The following ZBTB41 variants were observed in gnomAD, a reference collection of about 807,000 sequenced individuals.
ZBTB41 encodes zinc finger and BTB domain containing 41.
ZBTB41 carries 42 observed loss-of-function variants against 87.6 expected under a neutral mutation model. The observed-to-expected ratio is 0.48, with a 90% CI of 0.37 to 0.62. The LOEUF (loss-of-function observed/expected upper bound fraction) is 0.62. Among genes scored for constraint, ZBTB41 ranks in the 20% least tolerant of loss-of-function variants. ZBTB41 has a pLI of 0.00. For synonymous variants in ZBTB41, 364 were observed against 364.0 expected, an observed-to-expected ratio of 1.00 and a Z score of 0.00; for missense variants, 799 against 1,078.9, an observed-to-expected ratio of 0.74 and a Z score of 3.63.
At chr1:197,197,754 T>C (rs1035572136) in intron 2 of ZBTB41, among the ~76,000 whole-genome samples, 5 of 152,298 alleles carry the variant, frequency 3.3e-5, no homozygotes, top group African/African-American at 9.6e-5. Context: ...AAGGAAATAC[T>C]GGGTTAAGCA....
chr1:197,176,638 CTTT>C lies in ZBTB41; in HGVS notation c.1802_1804del (p.Lys601del). On this transcript the variant is annotated inframe_deletion, in exon 8 of 11. Coordinates refer to ENST00000367405, the MANE Select transcript of ZBTB41 (RefSeq NM_194314.3). Reference sequence around the variant, plus strand: ...TTTTCCACATTCATCGCACTCATATCTTTTATCATCATGATGTACTCGTAAGTG... The same window carrying C: ...TTTTCCACATTCATCGCACTCATATCTATCATCATGATGTACTCGTAAGTG... The C allele has an allele frequency of 6.2e-7, 1 of 1,611,730 alleles. No individual in the cohort carries two copies. Among genetic ancestry groups the C allele is most frequent in the Non-Finnish European group, 8.5e-7 (1 of 1,178,874 alleles).
rs1242290363 is a variant in ZBTB41, at chr1:197,200,015, A to G, written c.459T>C (p.Tyr153=). 1.9e-6 allele frequency: 3 copies of G among 1,613,044 alleles called. No homozygotes were observed. The highest frequency in any genetic ancestry group is 2.5e-6 in the Non-Finnish European group (3 of 1,179,844). ...CAGCCTCTAAAACAAGAGGTATTTC[A>G]TATTTGTACACAAAAAATTCTGATG... ...LYTSEFFVYK[Y]EIPLVLEAAK... The change falls in exon 2 of 11, where the codon TAT becomes TAC. Residue 153 remains tyrosine (Y), a synonymous_variant. Coordinates refer to ENST00000367405, the MANE Select transcript of ZBTB41 (RefSeq NM_194314.3).
intron 9 of ZBTB41, among the ~76,000 whole-genome samples, chr1:197,174,129 C>A (rs1659542324): frequency 6.6e-6 from 1 of 152,038 alleles, no homozygotes; most frequent in Admixed American, 6.6e-5. Flanking sequence ...TGGCTAAGAC[C>A]CTATGAAAAT....
intron 5 of ZBTB41, among the ~76,000 whole-genome samples, chr1:197,186,821 G>T (rs150519105): frequency 0.12 from 17,953 of 151,900 alleles, 1,365 homozygotes; most frequent in Middle Eastern, 0.19. Context: ...CCAAGATTGC[G>T]CCATTACACT....
intron 10 of ZBTB41, among the ~76,000 whole-genome samples, chr1:197,171,346 T>G (rs1659473941): frequency 6.6e-6 from 1 of 152,068 alleles, no homozygotes. Flanking sequence ...ACTGCAACTA[T>G]TTGCTAATAA....
Position 197,159,946 on chromosome 1 carries a change from G to T in ZBTB41, c.2143C>A (p.Leu715Met). ...GGTCGGGCATCAGAATGAATAACCA[G>T]GTGTTTTGTTAATGTTTTCTTAATT... Reference protein sequence around the residue: ...FRIKKTLTKHLVIHSDARPFN... With the variant: ...FRIKKTLTKHMVIHSDARPFN... The change falls in exon 11 of 11, where the codon CTG (leucine) becomes ATG (methionine). Residue 715 changes from leucine (L) to methionine (M), a missense_variant. Leu to Met is a conservative substitution (Grantham distance 15). This residue lies in a region of ZBTB41 where 198 missense variants were observed against 358.4 expected (regional missense o/e 0.55). Transcript: ENST00000367405. 6.2e-7 allele frequency: 1 copy of T among 1,613,658 alleles called. No homozygotes were observed. The highest frequency in any genetic ancestry group is 8.5e-7 in the Non-Finnish European group (1 of 1,179,752).
chr1:197,177,019 G>T (rs1659625228), intron 7 of ZBTB41, among the ~76,000 whole-genome samples: 1 of 152,068 alleles, frequency 6.6e-6, no homozygotes, highest in South Asian at 2.1e-4. Context: ...AATATAAAAA[G>T]TAGGAGTAAT....
intron 6 of ZBTB41, among the ~76,000 whole-genome samples, chr1:197,178,725 C>T (rs1475685822): frequency 6.6e-6 from 1 of 152,066 alleles, no homozygotes; most frequent in Non-Finnish European, 1.5e-5. Flanking sequence ...ACTTCGGCCT[C>T]ATTTGCCATT....
intron 4 of ZBTB41, among the ~76,000 whole-genome samples, chr1:197,188,929 T>A (rs926476226): frequency 1.1e-4 from 17 of 152,170 alleles, no homozygotes; most frequent in Non-Finnish European, 2.2e-4. Context: ...CCAACAATAA[T>A]GACATAGCAC....
At chr1:197,170,705 A>C (rs1659458682) in intron 10 of ZBTB41, among the ~76,000 whole-genome samples, 1 of 152,140 alleles carries the variant, frequency 6.6e-6, no homozygotes, top group Non-Finnish European at 1.5e-5. Flanking sequence ...AGAGTTGGTA[A>C]ATAGAGTTTT....
At position 197,156,739 on chromosome 1, in the gene ZBTB41, T is replaced by C. The variant is rs1659076782; in HGVS notation, c.*2620A>G. The C allele has an allele frequency of 6.6e-6, 1 of 152,242 alleles. No individual in the cohort carries two copies. Among genetic ancestry groups the C allele is most frequent in the Non-Finnish European group, 1.5e-5 (1 of 67,786 alleles). The allele number at this position is 152,242 out of a possible 1,614,324, so 9.4% of individuals were successfully genotyped here. A position where few individuals can be genotyped will look rare whatever the true frequency, so the allele number is the denominator to read the frequency against. Reference sequence around the variant, plus strand: ...GCAGCAGATTAGTTTCATTTTGTTTTTGTTGTTGTTGTTTTCAATCATCCA... The same window carrying C: ...GCAGCAGATTAGTTTCATTTTGTTTCTGTTGTTGTTGTTTTCAATCATCCA... On this transcript the variant is annotated 3_prime_UTR_variant, in exon 11 of 11. Coordinates refer to ENST00000367405, the MANE Select transcript of ZBTB41 (RefSeq NM_194314.3).
chr1:197,197,791 A>C (rs1211090869), intron 2 of ZBTB41, among the ~76,000 whole-genome samples: 1 of 152,202 alleles, frequency 6.6e-6, no homozygotes, highest in Non-Finnish European at 1.5e-5. Flanking sequence ...TTACTAAAGA[A>C]TTGGGCAGTT....
intron 10 of ZBTB41, among the ~76,000 whole-genome samples, chr1:197,163,494 T>C (rs905874352): frequency 6.6e-6 from 1 of 152,018 alleles, no homozygotes; most frequent in African/African-American, 2.4e-5. Flanking sequence ...ATGCCTAATG[T>C]ACATGTAATC....
At chr1:197,163,204 G>C (rs1001635488) in intron 10 of ZBTB41, among the ~76,000 whole-genome samples, 2 of 152,118 alleles carry the variant, frequency 1.3e-5, no homozygotes, top group Admixed American at 1.3e-4. Context: ...CTATTTGCTT[G>C]TGAGAAAAAA....
chr1:197,174,093 T>G (rs1659541360), intron 9 of ZBTB41, among the ~76,000 whole-genome samples: 1 of 152,142 alleles, frequency 6.6e-6, no homozygotes, highest in Non-Finnish European at 1.5e-5. Context: ...ACAGTGGACT[T>G]AAGATAAATT....
At chr1:197,177,571 T>A (rs898360057) in intron 7 of ZBTB41, among the ~76,000 whole-genome samples, 11 of 152,104 alleles carry the variant, frequency 7.2e-5, no homozygotes, top group African/African-American at 2.7e-4. Flanking sequence ...AACTCAACTT[T>A]ATGAAAATTA....
intron 5 of ZBTB41, among the ~76,000 whole-genome samples, chr1:197,185,592 CAA>C (rs796880990): frequency 1.4e-5 from 2 of 138,560 alleles, no homozygotes; most frequent in Admixed American, 7.2e-5. Context: ...CATTTGTCAC[CAA>C]AAAAAAAAAC....
At chr1:197,174,408 G>A (rs546405227) in intron 9 of ZBTB41, among the ~76,000 whole-genome samples, 4 of 152,194 alleles carry the variant, frequency 2.6e-5, no homozygotes, top group African/African-American at 7.2e-5. Flanking sequence ...GGTTGGAGGC[G>A]TGTTAATCCT....
chr1:197,177,707 C>G (rs1467271433), intron 7 of ZBTB41, among the ~76,000 whole-genome samples: 1 of 151,792 alleles, frequency 6.6e-6, no homozygotes, highest in African/African-American at 2.4e-5. Context: ...TCTCCAGAGC[C>G]TCTCTCTCTA....
Sources: gnomAD v4.1 joint callset for allele counts (sites outside exome capture counted in the v4.1 genomes callset) on GRCh38, gnomAD v4.1.1 for gene constraint, gnomAD v4.1.1 regional missense constraint, MANE v1.5 for transcripts, NCBI Gene and HGNC (gene_info 2026-07-23, HGNC 2026-07-21) for gene names.